The following LARS2 variants were observed in gnomAD, a reference collection of about 807,000 sequenced individuals.
LARS2 encodes leucyl-tRNA synthetase 2, mitochondrial, also known as leucine--tRNA ligase, mitochondrial.
In LARS2, 81 loss-of-function variants were observed where a neutral mutation model predicts 116.6. The ratio of observed to expected loss-of-function variants is 0.69; its 90% CI spans 0.58 to 0.84. The LOEUF is 0.84. Ranked by LOEUF, LARS2 falls within the 40% of genes least tolerant of loss-of-function variation. LARS2 has a pLI of 0.00. For missense variants in LARS2, 968 were observed against 1,114.5 expected, an observed-to-expected ratio of 0.87 and a Z score of 1.87; for synonymous variants, 396 against 407.2, an observed-to-expected ratio of 0.97 and a Z score of 0.33.
At chr3:45,449,142 A>T (rs1006376509) in intron 7 of LARS2, among the ~76,000 whole-genome samples, 16 of 149,070 alleles carry the variant, frequency 1.1e-4, no homozygotes, top group Non-Finnish European at 1.9e-4. Context: ...GAGCAAGGGG[A>T]AGCTTAACTC....
chr3:45,448,693 T>C (rs893082517), intron 7 of LARS2, among the ~76,000 whole-genome samples: 10 of 152,240 alleles, frequency 6.6e-5, no homozygotes, highest in Non-Finnish European at 1.3e-4. Flanking sequence ...ATTAAAGGAA[T>C]AGGTTGGGCT....
intron 9 of LARS2, 133 bp from the exon 10 acceptor site, chr3:45,476,335 C>G: frequency 1.1e-6 from 1 of 919,286 alleles, no homozygotes; most frequent in Non-Finnish European, 1.7e-6. Flanking sequence ...AATCCCCACA[C>G]CCCTGGCCCA....
At chr3:45,507,128 G>C (rs979344080) in intron 15 of LARS2, 1 of 151,940 alleles carries the variant, frequency 6.6e-6, no homozygotes, top group Non-Finnish European at 1.5e-5. Flanking sequence ...CCAGCACGAT[G>C]GCTCACACCT....
chr3:45,467,555 A>T (rs182381997), intron 8 of LARS2, among the ~76,000 whole-genome samples: 3 of 152,338 alleles, frequency 2.0e-5, no homozygotes, highest in Admixed American at 1.3e-4. Flanking sequence ...TCCTGACATG[A>T]TTAGTTTTAA....
chr3:45,539,126 AT>A (rs913689657), intron 20 of LARS2, among the ~76,000 whole-genome samples: 29 of 151,664 alleles, frequency 1.9e-4, no homozygotes, highest in Non-Finnish European at 3.7e-4. Context: ...TGACCATGTT[AT>A]TTTTTTTTAA....
At chr3:45,467,121 T>G (rs769330985) in intron 8 of LARS2, among the ~76,000 whole-genome samples, 1 of 152,184 alleles carries the variant, frequency 6.6e-6, no homozygotes, top group Non-Finnish European at 1.5e-5. Context: ...CTTGGTGGAA[T>G]TGACTCATTG....
At chr3:45,477,116 G>C (rs1699627050) in intron 10 of LARS2, among the ~76,000 whole-genome samples, 1 of 152,220 alleles carries the variant, frequency 6.6e-6, no homozygotes, top group South Asian at 2.1e-4. Flanking sequence ...TCCATACAGA[G>C]TTTTAACATA....
intron 20 of LARS2, among the ~76,000 whole-genome samples, chr3:45,526,618 G>A (rs763534808): frequency 6.6e-6 from 1 of 152,082 alleles, no homozygotes; most frequent in Non-Finnish European, 1.5e-5. Context: ...GACTGAGGGA[G>A]AAGTCATTAT....
chr3:45,542,688 C>T (rs902725838), intron 21 of LARS2, among the ~76,000 whole-genome samples: 1 of 152,178 alleles, frequency 6.6e-6, no homozygotes, highest in Non-Finnish European at 1.5e-5. Context: ...ATAACGTGGG[C>T]GTTGCCATTC....
At chr3:45,470,494 G>A (rs1699502398) in intron 8 of LARS2, among the ~76,000 whole-genome samples, 1 of 152,132 alleles carries the variant, frequency 6.6e-6, no homozygotes. Context: ...TCGTTCAGAT[G>A]GTGTACCCTA....
chr3:45,448,234 T>C (rs1317004761), intron 7 of LARS2, among the ~76,000 whole-genome samples: 5 of 152,210 alleles, frequency 3.3e-5, no homozygotes, highest in Non-Finnish European at 7.3e-5. Context: ...ATTGGCTTTT[T>C]GACTAAAACG....
intron 8 of LARS2, among the ~76,000 whole-genome samples, chr3:45,472,979 A>C (rs1029899149): frequency 6.6e-6 from 1 of 152,202 alleles, no homozygotes; most frequent in Non-Finnish European, 1.5e-5. Flanking sequence ...ACTGCTCTCT[A>C]ATTCTCTCCC....
chr3:45,477,318 G>C (rs1299720635), intron 10 of LARS2, among the ~76,000 whole-genome samples: 1 of 152,204 alleles, frequency 6.6e-6, no homozygotes, highest in Non-Finnish European at 1.5e-5. Context: ...CAGTCCGAAG[G>C]GGGACTTGGA....
intron 18 of LARS2, chr3:45,519,812 T>C (rs1700425485): frequency 5.9e-6 from 1 of 169,400 alleles, no homozygotes. Flanking sequence ...CACACCCGGC[T>C]AATTTTTTGT....
At chr3:45,483,079 G>A (rs572705875) in intron 10 of LARS2, among the ~76,000 whole-genome samples, 35 of 152,302 alleles carry the variant, frequency 2.3e-4, no homozygotes, top group Non-Finnish European at 2.9e-5. Flanking sequence ...AAACACACTA[G>A]CCATGTGTCC....
intron 8 of LARS2, among the ~76,000 whole-genome samples, chr3:45,469,900 C>T (rs1699492341): frequency 6.6e-6 from 1 of 151,994 alleles, no homozygotes; most frequent in Non-Finnish European, 1.5e-5. Context: ...AAAATAATTG[C>T]AAATCAAATC....
intron 3 of LARS2, 56 bp from the exon 4 acceptor site, chr3:45,400,189 T>C: frequency 6.5e-7 from 1 of 1,536,754 alleles, no homozygotes; most frequent in Non-Finnish European, 8.9e-7. Context: ...ATATTATGTA[T>C]ACATGCAGAG....
intron 10 of LARS2, among the ~76,000 whole-genome samples, chr3:45,478,339 C>T (rs1007913078): frequency 3.3e-5 from 5 of 152,154 alleles, no homozygotes; most frequent in Non-Finnish European, 7.3e-5. Flanking sequence ...AACATGTAAA[C>T]ATCTCTAGCC....
intron 20 of LARS2, among the ~76,000 whole-genome samples, chr3:45,540,746 G>GTCTA (rs3085493): frequency 0.01 from 1,492 of 149,176 alleles, 19 homozygotes; most frequent in African/African-American, 0.028. Context: ...GTATCTATCT[G>GTCTA]TCTATCTATC....
Sources: gnomAD v4.1 joint callset for allele counts (sites outside exome capture counted in the v4.1 genomes callset) on GRCh38, gnomAD v4.1.1 for gene constraint, MANE v1.5 for transcripts, NCBI Gene and HGNC (gene_info 2026-07-23, HGNC 2026-07-21) for gene names.